Variants in CHODL observed in about 807,000 individuals in gnomAD.
CHODL encodes transmembrane protein MT75.
A neutral mutation model predicts 34.5 loss-of-function variants in CHODL; 29 were observed. The ratio of observed to expected loss-of-function variants is 0.84; its 90% CI spans 0.63 to 1.15. CHODL has a LOEUF of 1.15. Among genes scored for constraint, CHODL ranks in the 50% most tolerant of loss-of-function variants. CHODL has a pLI of 0.00. For missense variants in CHODL, 332 were observed against 332.5 expected, an observed-to-expected ratio of 1.00 and a Z score of 0.01; for synonymous variants, 125 against 116.1, an observed-to-expected ratio of 1.08 and a Z score of -0.49.
At chr21:18,100,178 G>A (rs2065195870) in intron 2 of CHODL, among the ~76,000 whole-genome samples, 1 of 152,090 alleles carries the variant, frequency 6.6e-6, no homozygotes. Flanking sequence ...TAAAGTGAAG[G>A]TTGTTTTTAA....
chr21:18,062,898 A>G (rs891806042), intron 2 of CHODL, among the ~76,000 whole-genome samples: 1 of 152,138 alleles, frequency 6.6e-6, no homozygotes, highest in African/African-American at 2.4e-5. Flanking sequence ...AAAAGGAGAA[A>G]GAGAGGGAAA....
At chr21:18,200,288 A>G (rs2073637225) in intron 2 of CHODL, among the ~76,000 whole-genome samples, 1 of 152,212 alleles carries the variant, frequency 6.6e-6, no homozygotes, top group South Asian at 2.1e-4. Flanking sequence ...CTAAAGAATT[A>G]TACTGACAAA....
At chr21:17,983,910 TG>T (rs1224465818) in intron 1 of CHODL, among the ~76,000 whole-genome samples, 59 of 81,588 alleles carry the variant, frequency 7.2e-4, no homozygotes, top group African/African-American at 3.1e-3. Flanking sequence ...CAAGTGTGTG[TG>T]TGGGGGGGGT....
chr21:18,223,349 CT>C (rs893099334), intron 2 of CHODL, among the ~76,000 whole-genome samples: 8 of 152,170 alleles, frequency 5.3e-5, no homozygotes, highest in African/African-American at 1.2e-4. Flanking sequence ...TAAAGTGTAG[CT>C]TTTTTGCAGA....
At chr21:17,983,138 A>G (rs1016679443) in intron 1 of CHODL, among the ~76,000 whole-genome samples, 1 of 152,188 alleles carries the variant, frequency 6.6e-6, no homozygotes, top group East Asian at 1.9e-4. Flanking sequence ...CACAATATGC[A>G]TACTCTTTCT....
intron 1 of CHODL, among the ~76,000 whole-genome samples, chr21:17,956,678 T>C (rs568875895): frequency 1.5e-5 from 2 of 136,354 alleles, no homozygotes; most frequent in African/African-American, 5.0e-5. Flanking sequence ...CTTAGAGAGC[T>C]ATCTTCTCAC....
At chr21:18,253,440 T>C (rs1013771434) in intron 1 of CHODL, among the ~76,000 whole-genome samples, 8 of 152,002 alleles carry the variant, frequency 5.3e-5, no homozygotes, top group Non-Finnish European at 1.5e-5. Flanking sequence ...TCGAACAAGT[T>C]AAAAACTCAA....
At chr21:18,070,266 T>C (rs1175261669) in intron 2 of CHODL, among the ~76,000 whole-genome samples, 2 of 152,052 alleles carry the variant, frequency 1.3e-5, no homozygotes, top group East Asian at 3.9e-4. Context: ...TGTGTTAATT[T>C]TAAGTAGAAA....
chr21:18,061,602 G>T (rs987529262), intron 2 of CHODL, among the ~76,000 whole-genome samples: 1 of 152,124 alleles, frequency 6.6e-6, no homozygotes, highest in African/African-American at 2.4e-5. Flanking sequence ...TTAAATATGG[G>T]TCTAGAGACT....
chr21:18,126,380 T>C (rs1328097380), intron 2 of CHODL, among the ~76,000 whole-genome samples: 3 of 152,212 alleles, frequency 2.0e-5, no homozygotes, highest in Non-Finnish European at 4.4e-5. Context: ...ACTGTAAATA[T>C]AACTTTTATA....
chr21:17,993,443 C>T (rs938987799), intron 1 of CHODL, among the ~76,000 whole-genome samples: 23 of 152,194 alleles, frequency 1.5e-4, no homozygotes, highest in African/African-American at 4.8e-4. Context: ...TCAATTAGCT[C>T]TCACTTGTAA....
intron 1 of CHODL, among the ~76,000 whole-genome samples, chr21:17,970,715 T>C (rs2063607785): frequency 6.6e-6 from 1 of 152,218 alleles, no homozygotes; most frequent in Non-Finnish European, 1.5e-5. Flanking sequence ...GTGTACATTG[T>C]ACCCAATGTG....
chr21:18,233,011 C>T (rs1243505104), intron 2 of CHODL, among the ~76,000 whole-genome samples: 5 of 142,050 alleles, frequency 3.5e-5, no homozygotes, highest in Non-Finnish European at 6.0e-5. Context: ...TATATACACA[C>T]ACAGTGTGGA....
At chr21:18,123,150 T>G (rs2065500846) in intron 2 of CHODL, among the ~76,000 whole-genome samples, 1 of 151,994 alleles carries the variant, frequency 6.6e-6, no homozygotes, top group Admixed American at 6.6e-5. Flanking sequence ...GAATGAGAGG[T>G]CTCCCCGAGG....
chr21:18,123,156 C>T (rs1448159961), intron 2 of CHODL, among the ~76,000 whole-genome samples: 2 of 152,176 alleles, frequency 1.3e-5, no homozygotes, highest in Non-Finnish European at 2.9e-5. Flanking sequence ...GAGGTCTCCC[C>T]GAGGAGCTTC....
At chr21:17,982,283 A>G (rs2063719908) in intron 1 of CHODL, among the ~76,000 whole-genome samples, 2 of 152,172 alleles carry the variant, frequency 1.3e-5, no homozygotes, top group African/African-American at 4.8e-5. Context: ...AGTCTAGGCC[A>G]CTCTGACCAG....
intron 2 of CHODL, among the ~76,000 whole-genome samples, chr21:18,144,763 T>A (rs1601064531): frequency 6.6e-6 from 1 of 151,916 alleles, no homozygotes; most frequent in East Asian, 1.9e-4. Flanking sequence ...AAAATTTTTC[T>A]TTCTATGGTA....
At chr21:18,191,245 G>T (rs2146691811) in intron 2 of CHODL, among the ~76,000 whole-genome samples, 1 of 152,246 alleles carries the variant, frequency 6.6e-6, no homozygotes. Context: ...TCCTGGTGCT[G>T]TAGCAATTTG....
intron 2 of CHODL, among the ~76,000 whole-genome samples, chr21:18,066,816 C>T (rs917992825): frequency 1.9e-4 from 29 of 151,932 alleles, no homozygotes; most frequent in African/African-American, 5.8e-4. Context: ...TATAAGAAGA[C>T]GAAATTTGGA....
Sources: allele counts gnomAD v4.1 joint callset (sites outside exome capture counted in the v4.1 genomes callset), GRCh38; gene constraint gnomAD v4.1.1; transcripts MANE v1.5; gene names NCBI Gene and HGNC (gene_info 2026-07-23, HGNC 2026-07-21).